The following OSTF1 variants were observed in gnomAD, a reference collection of about 807,000 sequenced individuals.
The protein encoded by OSTF1 is osteoclast-stimulating factor 1.
Under a neutral mutation model 37.2 loss-of-function variants are expected in OSTF1, and 27 were observed. That is an observed-to-expected ratio of 0.73 (90% CI 0.54 to 1.00). The LOEUF (loss-of-function observed/expected upper bound fraction) is 1.00. OSTF1 is among the 50% of genes least tolerant of loss of function. OSTF1 has a pLI of 0.00. For missense variants in OSTF1, 232 were observed against 253.8 expected (o/e 0.91, Z 0.58); for synonymous variants, 82 against 89.2 (o/e 0.92, Z 0.46).
chr9:75,129,576 A>T (rs899387283), intron 3 of OSTF1, among the ~76,000 whole-genome samples: 1 of 152,192 alleles, frequency 6.6e-6, no homozygotes, highest in African/African-American at 2.4e-5. Flanking sequence ...GCCAAAAAAA[A>T]TTGGAGCTGA....
At chr9:75,096,546 C>T (rs1199669799) in intron 1 of OSTF1, among the ~76,000 whole-genome samples, 1 of 152,116 alleles carries the variant, frequency 6.6e-6, no homozygotes, top group East Asian at 1.9e-4. Context: ...GTCTCAGGCC[C>T]TTTACAAGGG....
At chr9:75,108,012 G>A (rs1825319469) in intron 1 of OSTF1, among the ~76,000 whole-genome samples, 1 of 152,068 alleles carries the variant, frequency 6.6e-6, no homozygotes, top group Non-Finnish European at 1.5e-5. Context: ...CGAGGTGGGA[G>A]GATTGCTTGA....
At position 75,113,293 on chromosome 9, in the gene OSTF1, T is replaced by C. The variant is rs185137010; in HGVS notation, c.35-4211T>C. On this transcript the variant is annotated intron_variant, in intron 1 of 9. Coordinates refer to ENST00000346234, the MANE Select transcript of OSTF1 (RefSeq NM_012383.5). ...ACAGTAAATGTCAAGTAGAATATGA[T>C]GCCCCCGCAATTGGTGCTCTCATTC... 2.0e-5 allele frequency among the ~76,000 whole-genome samples: 3 copies of C among 152,348 alleles called. No individual in the cohort carries two copies. The East Asian group carries it at 5.8e-4, about 29-fold the overall frequency.
rs72279666 is a variant in OSTF1 at position 75,145,162 on chromosome 9, C to CTATCTAT, written c.587-1521_587-1520insTATCTAT. On this transcript the variant is annotated intron_variant, in intron 9 of 9. Transcript: ENST00000346234. ...GCCTATCTATCTATCTATCTATCTA[C>CTATCTAT]CTATCTATCTATCTAATCTATCTAT... Among the ~76,000 whole-genome samples, 18 of 144,308 alleles carry CTATCTAT rather than the reference C, an allele frequency of 1.2e-4. No homozygotes were observed. The East Asian group carries it at 1.4e-3, about 11-fold the overall frequency. The allele number at this position is 144,308 out of a possible 152,430, so 94.7% of individuals were successfully genotyped here. A position where few individuals can be genotyped will look rare whatever the true frequency, so the allele number is the denominator to read the frequency against.
intron 1 of OSTF1, among the ~76,000 whole-genome samples, chr9:75,092,277 A>AT (rs1390582925): frequency 6.6e-6 from 1 of 152,210 alleles, no homozygotes; most frequent in Non-Finnish European, 1.5e-5. Context: ...GACCCTGGCC[A>AT]TTTTTGTACC....
intron 1 of OSTF1, among the ~76,000 whole-genome samples, chr9:75,110,664 G>A (rs1410324183): frequency 6.6e-5 from 10 of 151,776 alleles, no homozygotes; most frequent in Non-Finnish European, 1.5e-4. Context: ...CATTCCTCTT[G>A]CTGTTTATCG....
At chr9:75,108,806 G>C (rs544109871) in intron 1 of OSTF1, among the ~76,000 whole-genome samples, 3 of 152,210 alleles carry the variant, frequency 2.0e-5, no homozygotes, top group African/African-American at 7.2e-5. Flanking sequence ...AGTGACTCTG[G>C]CAGAGCTAGC....
intron 1 of OSTF1, among the ~76,000 whole-genome samples, chr9:75,111,727 ACTTAGCCTC>A (rs1270594971): frequency 1.3e-5 from 2 of 151,034 alleles, no homozygotes; most frequent in Non-Finnish European, 2.9e-5. Context: ...AAAGCATCTA[ACTTAGCCTC>A]CTTGCATACA....
At chr9:75,098,784 C>T (rs538365215) in intron 1 of OSTF1, among the ~76,000 whole-genome samples, 31 of 152,154 alleles carry the variant, frequency 2.0e-4, no homozygotes, top group Admixed American at 3.3e-4. Flanking sequence ...CCTTGCTTTA[C>T]AGAAATCATT....
intron 9 of OSTF1, among the ~76,000 whole-genome samples, chr9:75,145,244 C>T (rs186408300): frequency 6.6e-6 from 1 of 152,260 alleles, no homozygotes; most frequent in East Asian, 1.9e-4. Flanking sequence ...TACTTACCTA[C>T]CTACCTAGCT....
intron 1 of OSTF1, 107 bp from the exon 2 acceptor site, chr9:75,117,397 T>A (rs1825507750): frequency 1.4e-6 from 1 of 732,444 alleles, no homozygotes. Flanking sequence ...TTCTACTTGA[T>A]CACATGGGTT....
chr9:75,113,845 A>C (rs979355058), intron 1 of OSTF1, among the ~76,000 whole-genome samples: 1 of 152,214 alleles, frequency 6.6e-6, no homozygotes, highest in Non-Finnish European at 1.5e-5. Context: ...TACATAATAC[A>C]TTGTTATTAA....
At chr9:75,136,989 C>T (rs986052199) in intron 7 of OSTF1, among the ~76,000 whole-genome samples, 1 of 152,122 alleles carries the variant, frequency 6.6e-6, no homozygotes, top group African/African-American at 2.4e-5. Flanking sequence ...ACCTAACCCT[C>T]AGGTTTGAGT....
chr9:75,094,449 A>G (rs1362227882), intron 1 of OSTF1, among the ~76,000 whole-genome samples: 1 of 151,934 alleles, frequency 6.6e-6, no homozygotes, highest in African/African-American at 2.4e-5. Context: ...GCTTTACTAC[A>G]AAGTAGCAAA....
chr9:75,097,952 G>C (rs1825118013), intron 1 of OSTF1, among the ~76,000 whole-genome samples: 1 of 151,540 alleles, frequency 6.6e-6, no homozygotes, highest in Non-Finnish European at 1.5e-5. Flanking sequence ...CTGCTTCCTG[G>C]GCTCAAGTGA....
chr9:75,139,824 AG>A (rs1825911751), intron 8 of OSTF1, among the ~76,000 whole-genome samples: 1 of 152,250 alleles, frequency 6.6e-6, no homozygotes, highest in East Asian at 1.9e-4. Context: ...TAGTATGAAA[AG>A]CAATCTGACA....
intron 2 of OSTF1, among the ~76,000 whole-genome samples, chr9:75,123,721 CT>C (rs1441308912): frequency 6.6e-6 from 1 of 152,144 alleles, no homozygotes; most frequent in East Asian, 1.9e-4. Flanking sequence ...TCCCTAGTTT[CT>C]TTAGAAGAAG....
intron 1 of OSTF1, among the ~76,000 whole-genome samples, chr9:75,091,081 CTTTTTTTTTT>C (rs35343834): frequency 5.3e-5 from 5 of 93,688 alleles, no homozygotes; most frequent in African/African-American, 1.8e-4. Context: ...GAAGTCTGCA[CTTTTTTTTTT>C]TTTTTTTTTT....
At chr9:75,109,399 A>G (rs577146289) in intron 1 of OSTF1, among the ~76,000 whole-genome samples, 83 of 152,352 alleles carry the variant, frequency 5.4e-4, no homozygotes, top group African/African-American at 2.0e-3. Flanking sequence ...GCATTTGGTC[A>G]TTTGGCATTA....
Sources: allele counts gnomAD v4.1 joint callset (sites outside exome capture counted in the v4.1 genomes callset), GRCh38; gene constraint gnomAD v4.1.1; transcripts MANE v1.5; gene names NCBI Gene and HGNC (gene_info 2026-07-23, HGNC 2026-07-21).